NOX4: variants seen among roughly 807,000 people sequenced by gnomAD.
NOX4 encodes the protein NADPH oxidase 4.
NOX4 carries 69 observed loss-of-function variants against 87.6 expected under a neutral mutation model. The observed-to-expected ratio is 0.79, with a 90% CI of 0.65 to 0.96. NOX4 has a LOEUF of 0.96. Ranked by LOEUF, NOX4 falls within the 40% of genes least tolerant of loss-of-function variation. The probability of loss-of-function intolerance (pLI) is 0.00; values close to 1 mark genes in which losing one functional copy is unlikely to be tolerated. For missense variants in NOX4, 680 were observed against 681.5 expected (o/e 1.00, Z 0.02); for synonymous variants, 275 against 238.2 (o/e 1.15, Z -1.42).
the NOX4 span, among the ~76,000 whole-genome samples, chr11:89,560,423 T>C: frequency 6.6e-6 from 1 of 152,152 alleles, no homozygotes; most frequent in Non-Finnish European, 1.5e-5. Context: ...GTTTTATGTC[T>C]GTAGTTTTGT....
chr11:89,342,253 T>C, intron 13 of NOX4, 60 bp from the exon 14 acceptor site: 1 of 1,501,854 alleles, frequency 6.7e-7, no homozygotes, highest in Non-Finnish European at 9.2e-7. Context: ...TAATTTTCTG[T>C]ACCATATAGC....
the NOX4 span, among the ~76,000 whole-genome samples, chr11:89,538,760 A>G: frequency 6.6e-6 from 1 of 152,020 alleles, no homozygotes; most frequent in Non-Finnish European, 1.5e-5. Context: ...ATCATAAGTT[A>G]AGAATAAAGT....
intron 15 of NOX4, among the ~76,000 whole-genome samples, chr11:89,338,798 C>A (rs1945841542): frequency 1.3e-5 from 2 of 152,094 alleles, no homozygotes; most frequent in Admixed American, 1.3e-4. Flanking sequence ...CAAGTCTGCT[C>A]AAATGGCATT....
intron 12 of NOX4, 97 bp downstream of exon 12, chr11:89,373,335 A>ATCTC (rs889403659): frequency 4.6e-5 from 31 of 667,374 alleles, no homozygotes; most frequent in Admixed American, 1.8e-4. Context: ...ACACATACAC[A>ATCTC]TCTCTATACA....
At chr11:89,435,246 C>T (rs1157836440) in intron 6 of NOX4, among the ~76,000 whole-genome samples, 2 of 152,010 alleles carry the variant, frequency 1.3e-5, no homozygotes, top group South Asian at 2.1e-4. Context: ...TCCCAGATGG[C>T]TACATAGTGT....
intron 2 of NOX4, among the ~76,000 whole-genome samples, chr11:89,479,699 T>C (rs1201441313): frequency 1.3e-5 from 2 of 152,216 alleles, no homozygotes; most frequent in African/African-American, 4.8e-5. Flanking sequence ...TTTCTAAAGA[T>C]GAACACAATT....
the NOX4 span, among the ~76,000 whole-genome samples, chr11:89,551,277 T>A: frequency 6.6e-6 from 1 of 152,212 alleles, no homozygotes; most frequent in Non-Finnish European, 1.5e-5. Flanking sequence ...TTGTCTTGGC[T>A]ATATGGGCTC....
At chr11:89,488,502 T>A (rs1375001528) in intron 2 of NOX4, among the ~76,000 whole-genome samples, 1 of 152,166 alleles carries the variant, frequency 6.6e-6, no homozygotes, top group Non-Finnish European at 1.5e-5. Context: ...TTATACAGTA[T>A]CCAAGTTCAT....
intron 2 of NOX4, among the ~76,000 whole-genome samples, chr11:89,457,958 T>C (rs1310649055): frequency 6.6e-6 from 1 of 152,142 alleles, no homozygotes; most frequent in Non-Finnish European, 1.5e-5. Context: ...GGAAGAATCA[T>C]TATAGTTAAA....
At chr11:89,570,719 G>A in the NOX4 span, among the ~76,000 whole-genome samples, 2 of 152,162 alleles carry the variant, frequency 1.3e-5, no homozygotes, top group African/African-American at 2.4e-5. Context: ...TAGTTGCAGA[G>A]AGGAGGCTGA....
chr11:89,560,770 G>A, the NOX4 span, among the ~76,000 whole-genome samples: 1 of 151,132 alleles, frequency 6.6e-6, no homozygotes, highest in Admixed American at 6.6e-5. Flanking sequence ...CTGGCCTTTG[G>A]ACTCCAGAAC....
In NOX4 at chr11:89,342,285, T is replaced by C. The variant is rs1946040732; in HGVS notation, c.1218-92A>G. On this transcript the variant is annotated intron_variant, in intron 13 of 17. Coordinates refer to ENST00000263317, the MANE Select transcript of NOX4 (RefSeq NM_016931.5). ...TAGCAAACATGCTGAATGCAATCTCTAGATTTTGTGATGGGTCAGGCCTTA... is the reference window on the plus strand; with the variant it reads ...TAGCAAACATGCTGAATGCAATCTCCAGATTTTGTGATGGGTCAGGCCTTA... The C allele has an allele frequency of 1.2e-5, 14 of 1,180,684 alleles. No individual in the cohort carries two copies. In the Admixed American group the frequency reaches 2.9e-4, roughly 24 times the overall value. The allele number at this position is 1,180,684 out of a possible 1,614,324, so 73.1% of individuals were successfully genotyped here.
At chr11:89,370,826 C>T (rs903427316) in intron 12 of NOX4, among the ~76,000 whole-genome samples, 2 of 151,982 alleles carry the variant, frequency 1.3e-5, no homozygotes, top group African/African-American at 4.8e-5. Context: ...TGTCTTGTGC[C>T]GCATAGCTGC....
At chr11:89,410,544 A>C (rs1168219185) in intron 8 of NOX4, among the ~76,000 whole-genome samples, 1 of 152,110 alleles carries the variant, frequency 6.6e-6, no homozygotes, top group Non-Finnish European at 1.5e-5. Context: ...GTTCTATTTT[A>C]TTTTTCTTTT....
intron 2 of NOX4, among the ~76,000 whole-genome samples, chr11:89,468,120 A>G (rs1399588573): frequency 6.6e-6 from 1 of 152,158 alleles, no homozygotes; most frequent in Non-Finnish European, 1.5e-5. Context: ...CTTCTCTGAC[A>G]GTCCCCAACC....
At chr11:89,380,584 G>C (rs1408965392) in intron 11 of NOX4, among the ~76,000 whole-genome samples, 2 of 151,980 alleles carry the variant, frequency 1.3e-5, no homozygotes, top group Admixed American at 1.3e-4. Flanking sequence ...AATAAGGATT[G>C]AATAAATTAA....
At chr11:89,575,020 T>C in the NOX4 span, among the ~76,000 whole-genome samples, 11 of 152,216 alleles carry the variant, frequency 7.2e-5, no homozygotes, top group Middle Eastern at 3.4e-3. Flanking sequence ...CCGTCTCTAC[T>C]AAAAATACAA....
chr11:89,428,348 G>C (rs1468020887), intron 7 of NOX4, among the ~76,000 whole-genome samples: 2 of 152,108 alleles, frequency 1.3e-5, no homozygotes, highest in Non-Finnish European at 2.9e-5. Context: ...ATAATGACAG[G>C]ATCAAATTCA....
the NOX4 span, among the ~76,000 whole-genome samples, chr11:89,552,222 A>T: frequency 0.015 from 2,285 of 152,278 alleles, 52 homozygotes; most frequent in African/African-American, 0.048. Flanking sequence ...TTTTACACAA[A>T]AGGAAACTGA....
Sources: allele counts gnomAD v4.1 joint callset (sites outside exome capture counted in the v4.1 genomes callset), GRCh38; gene constraint gnomAD v4.1.1; transcripts MANE v1.5; gene names NCBI Gene and HGNC (gene_info 2026-07-23, HGNC 2026-07-21).